The following C5orf52 variants were observed in gnomAD, a reference collection of about 807,000 sequenced individuals.
C5orf52 encodes chromosome 5 open reading frame 52.
Under a neutral mutation model 16.8 loss-of-function variants are expected in C5orf52, and 15 were observed. That is an observed-to-expected ratio of 0.89 (90% CI 0.60 to 1.38). The LOEUF is 1.38. Ranked by LOEUF, C5orf52 falls within the 40% of genes most tolerant of loss-of-function variation. The pLI is 0.00. For missense variants in C5orf52, 206 were observed against 213.1 expected, an observed-to-expected ratio of 0.97 and a Z score of 0.21; for synonymous variants, 83 against 87.2, an observed-to-expected ratio of 0.95 and a Z score of 0.27.
intron 2 of C5orf52, among the ~76,000 whole-genome samples, chr5:157,679,486 A>G (rs1759967952): frequency 6.6e-6 from 1 of 151,978 alleles, no homozygotes; most frequent in Non-Finnish European, 1.5e-5. Context: ...ACAGGTGCCT[A>G]CCACCATGCT....
At chr5:157,677,654 C>CAAA (rs34801673) in intron 2 of C5orf52, among the ~76,000 whole-genome samples, 9 of 117,018 alleles carry the variant, frequency 7.7e-5, no homozygotes, top group Admixed American at 2.7e-4. Flanking sequence ...AACTCCCTCT[C>CAAA]AAAAAAAAAA....
intron 2 of C5orf52, among the ~76,000 whole-genome samples, chr5:157,676,391 CTT>C (rs1206025534): frequency 6.6e-6 from 1 of 152,084 alleles, no homozygotes; most frequent in Non-Finnish European, 1.5e-5. Context: ...CTTCTTGACT[CTT>C]TTGAGCTTCC....
At chr5:157,678,544 C>G (rs777890630) in intron 2 of C5orf52, among the ~76,000 whole-genome samples, 4 of 152,190 alleles carry the variant, frequency 2.6e-5, no homozygotes, top group Non-Finnish European at 4.4e-5. Flanking sequence ...GCAACCTCTG[C>G]CTCCTGGGTT....
intron 1 of C5orf52, 134 bp downstream of exon 1, chr5:157,671,960 C>T: frequency 1.0e-5 from 6 of 580,018 alleles, no homozygotes; most frequent in Non-Finnish European, 1.4e-5. Flanking sequence ...TTCTCGTAGC[C>T]CCGGGCACCA....
chr5:157,675,492 A>G (rs530825715), intron 2 of C5orf52, among the ~76,000 whole-genome samples: 15 of 152,034 alleles, frequency 9.9e-5, no homozygotes, highest in Non-Finnish European at 2.1e-4. Context: ...ATGGATTCTT[A>G]TTTTCTCCCA....
intron 2 of C5orf52, among the ~76,000 whole-genome samples, chr5:157,678,624 G>A (rs1007413706): frequency 6.6e-6 from 1 of 151,862 alleles, no homozygotes; most frequent in Admixed American, 6.6e-5. Context: ...ACCCAGCTAG[G>A]TTTTTTTTGT....
intron 2 of C5orf52, among the ~76,000 whole-genome samples, chr5:157,676,262 G>A (rs113114649): frequency 0.035 from 5,328 of 151,968 alleles, 344 homozygotes; most frequent in African/African-American, 0.12. Flanking sequence ...TAGTAGAGAC[G>A]GGGTTTCACC....
chr5:157,671,217 C>G (rs951826607), upstream of C5orf52: 4 of 199,786 alleles, frequency 2.0e-5, no homozygotes, highest in Non-Finnish European at 3.0e-5. Context: ...CTTCAGACCT[C>G]AGCTCCATGC....
At chr5:157,673,909 G>C (rs896582051) in intron 1 of C5orf52, among the ~76,000 whole-genome samples, 1 of 152,154 alleles carries the variant, frequency 6.6e-6, no homozygotes, top group Non-Finnish European at 1.5e-5. Flanking sequence ...GCCTCCCAAA[G>C]TGCTGGGACT....
Position 157,671,793 on chromosome 5 carries a change from G to A in C5orf52, c.179G>A (p.Arg60Gln). The change falls in exon 1 of 3, where the codon CGG (arginine) becomes CAG (glutamine). Residue 60 changes from arginine to glutamine, a missense_variant. Physicochemically the swap from Arg to Gln is conservative, Grantham distance 43. Transcript: ENST00000409999. Reference sequence around the variant, plus strand: ...GGTCAGCCGCAGATCTGCTTTCCGCGGCCGAGGTCCGCGCAGCAGCCGGTG... The same window carrying A: ...GGTCAGCCGCAGATCTGCTTTCCGCAGCCGAGGTCCGCGCAGCAGCCGGTG... ...VGGQPQICFPRPRSAQQPVLF... is the reference protein window; with the variant it reads ...VGGQPQICFPQPRSAQQPVLF... 5.2e-6 allele frequency: 8 copies of A among 1,546,372 alleles called. No homozygotes were observed. Among genetic ancestry groups the A allele is most frequent in the Non-Finnish European group, 5.2e-6 (6 of 1,144,438 alleles).
chr5:157,676,861 C>CTTTT (rs61514085), intron 2 of C5orf52, among the ~76,000 whole-genome samples: 12 of 134,910 alleles, frequency 8.9e-5, no homozygotes, highest in Middle Eastern at 4.0e-3. Context: ...TTTTAATTTC[C>CTTTT]TTTTTTTTTC....
chr5:157,672,558 A>AC (rs1304585708), intron 1 of C5orf52, among the ~76,000 whole-genome samples: 14 of 152,018 alleles, frequency 9.2e-5, no homozygotes, highest in Middle Eastern at 3.4e-3. Context: ...AACAACAACA[A>AC]AAAAAAACCA....
intron 1 of C5orf52, 83 bp downstream of exon 1, chr5:157,671,909 A>G (rs924673288): frequency 1.0e-6 from 1 of 962,168 alleles, no homozygotes; most frequent in African/African-American, 1.7e-5. Context: ...CGCTCCCCTT[A>G]GCCGGACCCC....
chr5:157,676,861 C>CTTTTTTTT (rs61514085), intron 2 of C5orf52, among the ~76,000 whole-genome samples: 1 of 134,878 alleles, frequency 7.4e-6, no homozygotes. Flanking sequence ...TTTTAATTTC[C>CTTTTTTTT]TTTTTTTTTC....
At chr5:157,672,274 C>T (rs977207250) in intron 1 of C5orf52, among the ~76,000 whole-genome samples, 2 of 151,960 alleles carry the variant, frequency 1.3e-5, no homozygotes, top group Non-Finnish European at 2.9e-5. Flanking sequence ...GAAAAAACCC[C>T]AGTTCCCTCT....
intron 2 of C5orf52, among the ~76,000 whole-genome samples, chr5:157,678,426 G>A (rs1389103059): frequency 6.6e-6 from 1 of 152,084 alleles, no homozygotes; most frequent in Non-Finnish European, 1.5e-5. Context: ...TCAAAACCTA[G>A]CCTCAGTTTA....
intron 1 of C5orf52, 40 bp downstream of exon 1, chr5:157,671,866 A>G: frequency 7.5e-7 from 1 of 1,329,098 alleles, no homozygotes; most frequent in Non-Finnish European, 1.0e-6. Flanking sequence ...AGACCCTCGG[A>G]CCCGCGAGGG....
rs11740603 is a variant in C5orf52, at chr5:157,671,748, G to T, written c.134G>T (p.Arg45Leu). 0.14 allele frequency: 214,962 copies of T among 1,550,622 alleles called. 16,074 individuals carry two copies. Among genetic ancestry groups the T allele is most frequent in the African/African-American group, 0.27 (19,648 of 73,106 alleles). Residue 45 changes from arginine to leucine, a missense_variant, in exon 1 of 3, where the codon CGC becomes CTC. Arg to Leu is a moderately radical substitution (Grantham distance 102). Transcript: ENST00000409999. Reference sequence around the variant, plus strand: ...TACCAGCGCGATAGACTCGGCCGCCGCCCAGAAATCGGCGTAGGGGGTCAG... The same window carrying T: ...TACCAGCGCGATAGACTCGGCCGCCTCCCAGAAATCGGCGTAGGGGGTCAG... ...SNYQRDRLGR[R>L]PEIGVGGQPQ...
chr5:157,678,062 G>A (rs1365719284), intron 2 of C5orf52, among the ~76,000 whole-genome samples: 1 of 152,148 alleles, frequency 6.6e-6, no homozygotes, highest in Non-Finnish European at 1.5e-5. Flanking sequence ...ATAATCTCAG[G>A]TGCATGACAA....
Sources: gnomAD v4.1 joint callset for allele counts (sites outside exome capture counted in the v4.1 genomes callset) on GRCh38, gnomAD v4.1.1 for gene constraint, MANE v1.5 for transcripts, NCBI Gene and HGNC (gene_info 2026-07-23, HGNC 2026-07-21) for gene names.